CLOCK: variants seen among roughly 807,000 people sequenced by gnomAD.
CLOCK encodes clock circadian regulator, also known as circadian locomoter output cycles protein kaput.
In CLOCK, 43 loss-of-function variants were observed where a neutral mutation model predicts 118.4. The ratio of observed to expected loss-of-function variants is 0.36; its 90% CI spans 0.28 to 0.47. The LOEUF (loss-of-function observed/expected upper bound fraction) is 0.47, where lower values mean the gene tolerates loss of function less well. CLOCK is among the 20% of genes least tolerant of loss of function. CLOCK has a pLI of 1.00. For synonymous variants in CLOCK, 326 were observed against 339.2 expected, an observed-to-expected ratio of 0.96 and a Z score of 0.43; for missense variants, 846 against 999.9, an observed-to-expected ratio of 0.85 and a Z score of 2.08.
In CLOCK at chr4:55,458,993, T is replaced by C; in HGVS notation, c.691A>G (p.Asn231Asp). 1 of 1,613,144 alleles carries C rather than the reference T, an allele frequency of 6.2e-7. No individual in the cohort carries two copies. The highest frequency in any genetic ancestry group is 2.2e-5 in the East Asian group (1 of 44,838). Residue 231 changes from asparagine (N) to aspartate (D), a missense_variant, in exon 11 of 23, where the codon AAT becomes GAT. Physicochemically the swap from Asn to Asp is conservative, Grantham distance 23. Transcript: ENST00000513440. ...CGTTGTATAGTTCCTTCAAAACCAT[T>C]GTGTGCTGAAGAGGATACTAAAACA... ...SLNSVSSSAH[N>D]GFEGTIQRTH...
rs1005553301 is a variant in CLOCK at position 55,431,042 on chromosome 4, G to C, written c.*4373C>G. ...TTTCACCTAAGTAAGTGATGATTTGGGGATCCTTTAGAAATGGTTAACGCC... is the reference window on the plus strand; with the variant it reads ...TTTCACCTAAGTAAGTGATGATTTGCGGATCCTTTAGAAATGGTTAACGCC... On this transcript the variant is annotated 3_prime_UTR_variant, in exon 23 of 23. Coordinates refer to ENST00000513440, the MANE Select transcript of CLOCK (RefSeq NM_004898.4). 2.0e-5 allele frequency: 3 copies of C among 152,150 alleles called. No individual in the cohort carries two copies. The highest frequency in any genetic ancestry group is 2.9e-5 in the Non-Finnish European group (2 of 68,024). 9.4% of individuals were successfully genotyped at this position (152,150 alleles called of 1,614,324 possible). A position where few individuals can be genotyped will look rare whatever the true frequency, so the allele number is the denominator to read the frequency against.
intron 1 of CLOCK, among the ~76,000 whole-genome samples, chr4:55,516,207 T>G (rs1577838158): frequency 6.6e-6 from 1 of 152,214 alleles, no homozygotes; most frequent in East Asian, 1.9e-4. Flanking sequence ...AGATGTCAAT[T>G]ATATCAAGTT....
At chr4:55,456,111 C>G in intron 12 of CLOCK, 107 bp downstream of exon 12, 1 of 1,320,798 alleles carries the variant, frequency 7.6e-7, no homozygotes, top group South Asian at 1.3e-5. Flanking sequence ...AAAATGGGAA[C>G]AGGTTTCAAA....
chr4:55,450,753 A>G (rs993948422), intron 15 of CLOCK, among the ~76,000 whole-genome samples: 3 of 144,588 alleles, frequency 2.1e-5, no homozygotes, highest in Non-Finnish European at 4.6e-5. Flanking sequence ...TGGGCAAAAG[A>G]GCGAGACTCC....
chr4:55,531,194 T>C (rs1050635254), intron 1 of CLOCK, among the ~76,000 whole-genome samples: 3 of 152,106 alleles, frequency 2.0e-5, no homozygotes, highest in African/African-American at 7.2e-5. Context: ...ATATTTTATT[T>C]CTTGAGTTCC....
intron 1 of CLOCK, among the ~76,000 whole-genome samples, chr4:55,518,995 T>C (rs1402192553): frequency 6.6e-6 from 1 of 152,090 alleles, no homozygotes; most frequent in African/African-American, 2.4e-5. Flanking sequence ...TTCAAAACAT[T>C]CTCATACCTG....
chr4:55,438,466 G>A lies in CLOCK; in HGVS notation c.2177C>T (p.Pro726Leu). 3 of 1,613,816 alleles carry A rather than the reference G, an allele frequency of 1.9e-6. No individual in the cohort carries two copies. ...CACCTGGCCCATAAGCATAGTACTAGGTACCATGACTGCCCCACAAGCTAC... is the reference window on the plus strand; with the variant it reads ...CACCTGGCCCATAAGCATAGTACTAAGTACCATGACTGCCCCACAAGCTAC... ...APVACGAVMVPSTMLMGQVVT... is the reference protein window; with the variant it reads ...APVACGAVMVLSTMLMGQVVT... Residue 726 changes from proline (P) to leucine (L), a missense_variant, in exon 22 of 23, where the codon CCT becomes CTT. Pro to Leu is a moderately conservative substitution (Grantham distance 98). Transcript: ENST00000513440.
At chr4:55,436,738 T>C (rs1328743544) in intron 22 of CLOCK, among the ~76,000 whole-genome samples, 4 of 152,124 alleles carry the variant, frequency 2.6e-5, no homozygotes, top group Non-Finnish European at 4.4e-5. Context: ...TTGATACTTA[T>C]GAGCCTTATA....
chr4:55,443,668 C>G lies in CLOCK; in HGVS notation c.1902+19G>C. On this transcript the variant is annotated intron_variant, in intron 20 of 22. Transcript: ENST00000513440. ...CAACCACTGATCACTCCATAGCCCG[C>G]TGTGCTCAGTAACATTACCTGAGTT... 1 of 1,595,102 alleles carries G rather than the reference C, an allele frequency of 6.3e-7. No individual in the cohort carries two copies. The highest frequency in any genetic ancestry group is 8.6e-7 in the Non-Finnish European group (1 of 1,162,748).
chr4:55,456,511 A>G (rs1007655072), intron 11 of CLOCK, among the ~76,000 whole-genome samples: 16 of 152,034 alleles, frequency 1.1e-4, no homozygotes, highest in African/African-American at 3.9e-4. Flanking sequence ...AAAATACAAA[A>G]AATAGCAGGG....
intron 8 of CLOCK, among the ~76,000 whole-genome samples, chr4:55,465,429 T>C (rs1477217871): frequency 3.9e-5 from 6 of 152,178 alleles, no homozygotes; most frequent in Admixed American, 6.6e-5. Flanking sequence ...TGTTGCCCTA[T>C]AGCTGAATAA....
chr4:55,499,819 G>A (rs1456315952), intron 2 of CLOCK, among the ~76,000 whole-genome samples: 1 of 152,184 alleles, frequency 6.6e-6, no homozygotes, highest in Non-Finnish European at 1.5e-5. Flanking sequence ...TTCCATGTAC[G>A]TGTAGCTCAT....
chr4:55,466,253 C>A (rs1725732674), intron 8 of CLOCK, among the ~76,000 whole-genome samples: 1 of 152,114 alleles, frequency 6.6e-6, no homozygotes, highest in Non-Finnish European at 1.5e-5. Context: ...CCCCTTTTGG[C>A]TCAGCACTTC....
chr4:55,517,612 T>A (rs940003893), intron 1 of CLOCK, among the ~76,000 whole-genome samples: 1 of 152,250 alleles, frequency 6.6e-6, no homozygotes, highest in African/African-American at 2.4e-5. Context: ...TAATTTGTTG[T>A]TTCTGTTCTG....
At chr4:55,493,070 G>A (rs1727826528) in intron 2 of CLOCK, among the ~76,000 whole-genome samples, 1 of 151,988 alleles carries the variant, frequency 6.6e-6, no homozygotes, top group Admixed American at 6.6e-5. Context: ...GAAAGCTTAA[G>A]TGCTGCATTT....
intron 17 of CLOCK, 111 bp downstream of exon 17, chr4:55,449,284 TA>T: frequency 1.0e-6 from 1 of 961,744 alleles, no homozygotes; most frequent in South Asian, 1.4e-5. Context: ...TATCAGTAAC[TA>T]TTTTGATCTT....
chr4:55,534,063 A>G (rs1730725094), intron 1 of CLOCK, among the ~76,000 whole-genome samples: 1 of 152,228 alleles, frequency 6.6e-6, no homozygotes, highest in African/African-American at 2.4e-5. Context: ...AGAACCCAAT[A>G]GTAATAAAAT....
intron 1 of CLOCK, among the ~76,000 whole-genome samples, chr4:55,541,530 A>G (rs62309730): frequency 0.16 from 24,860 of 152,270 alleles, 2,544 homozygotes; most frequent in Non-Finnish European, 0.21. Flanking sequence ...AAATAGTCAC[A>G]GTAAATAAAT....
Position 55,449,397 on chromosome 4 carries a change from T to C in CLOCK, c.1448A>G (p.Gln483Arg). 6.2e-7 allele frequency: 1 copy of C among 1,612,426 alleles called. No individual in the cohort carries two copies. ...MVQRRSSFSS[Q>R]SINSQSVGSS... ...AAGAATATCCACTAAAGAGCTTACC[T>C]GACTACTAAATGATGACCTTCTTTG... Residue 483 changes from glutamine to arginine, a missense_variant and splice_region_variant, in exon 17 of 23, where the codon CAG becomes CGG. Gln to Arg is a conservative substitution (Grantham distance 43, BLOSUM62 1). Around this residue, in one of 4 missense-constraint regions of CLOCK, gnomAD observed 520 missense variants for 558.0 expected, o/e 0.93. Transcript: ENST00000513440.
Sources: allele counts gnomAD v4.1 joint callset (sites outside exome capture counted in the v4.1 genomes callset), GRCh38; gene constraint gnomAD v4.1.1; regional missense constraint gnomAD v4.1.1; transcripts MANE v1.5; gene names NCBI Gene and HGNC (gene_info 2026-07-23, HGNC 2026-07-21).